The following KYNU variants were observed in gnomAD, a reference collection of about 807,000 sequenced individuals.
KYNU encodes kynureninase, also known as L-kynurenine hydrolase.
KYNU carries 54 observed loss-of-function variants against 59.2 expected under a neutral mutation model. The observed-to-expected ratio is 0.91, with a 90% CI of 0.73 to 1.14. KYNU has a LOEUF of 1.14. Ranked by LOEUF, KYNU falls within the 50% of genes most tolerant of loss-of-function variation. KYNU has a pLI of 0.00. For synonymous variants in KYNU, 177 were observed against 192.0 expected (o/e 0.92, Z 0.65); for missense variants, 567 against 554.4 (o/e 1.02, Z -0.23).
chr2:142,918,322 C>T (rs1236632063), intron 2 of KYNU, among the ~76,000 whole-genome samples: 1 of 152,096 alleles, frequency 6.6e-6, no homozygotes, highest in African/African-American at 2.4e-5. Flanking sequence ...TTTTCTAATG[C>T]TTTGGCAATT....
chr2:143,014,990 C>T (rs116045774), intron 10 of KYNU, among the ~76,000 whole-genome samples: 1,911 of 152,168 alleles, frequency 0.013, 30 homozygotes, highest in African/African-American at 0.041. Context: ...AGTTCCTGGA[C>T]TCAAGTGATT....
rs143992886 is a variant in KYNU at position 142,922,452 on chromosome 2, G to T, written c.290+3723G>T. 7.0e-3 allele frequency among the ~76,000 whole-genome samples: 1,069 copies of T among 152,250 alleles called. 17 individuals carry two copies. The highest frequency in any genetic ancestry group is 0.024 in the African/African-American group (1,013 of 41,522). Reference sequence around the variant, plus strand: ...CCTGGAATGTGGGGGTTTGCAGTGAGCTGAGATTGTGACACTGCACTCCAG... The same window carrying T: ...CCTGGAATGTGGGGGTTTGCAGTGATCTGAGATTGTGACACTGCACTCCAG... On this transcript the variant is annotated intron_variant, in intron 3 of 13. Coordinates refer to ENST00000264170, the MANE Select transcript of KYNU (RefSeq NM_003937.3).
chr2:143,006,740 T>C (rs899923453), intron 10 of KYNU, among the ~76,000 whole-genome samples: 114 of 151,806 alleles, frequency 7.5e-4, no homozygotes, highest in African/African-American at 2.1e-3. Context: ...TCAAGTGGGT[T>C]CCTGACCCCT....
chr2:143,020,518 A>G (rs748436456), intron 10 of KYNU, among the ~76,000 whole-genome samples: 33 of 152,110 alleles, frequency 2.2e-4, no homozygotes, highest in Non-Finnish European at 4.4e-4. Context: ...AACATTTTAA[A>G]AGTTGTTGAG....
intron 7 of KYNU, among the ~76,000 whole-genome samples, chr2:142,960,125 G>T (rs1684294188): frequency 6.6e-6 from 1 of 152,152 alleles, no homozygotes; most frequent in Non-Finnish European, 1.5e-5. Flanking sequence ...TACCTCAAGT[G>T]ATCTGCCCAC....
At chr2:142,941,046 T>G (rs1303742649) in intron 4 of KYNU, among the ~76,000 whole-genome samples, 2 of 152,220 alleles carry the variant, frequency 1.3e-5, no homozygotes, top group Non-Finnish European at 2.9e-5. Context: ...CCAGAACCTC[T>G]CTGAGTCTTA....
At chr2:142,957,108 C>G (rs928114155) in intron 6 of KYNU, among the ~76,000 whole-genome samples, 1 of 152,006 alleles carries the variant, frequency 6.6e-6, no homozygotes, top group South Asian at 2.1e-4. Context: ...AATTTTAGGG[C>G]AAGTAATTAT....
chr2:142,919,466 A>G (rs1304980899), intron 3 of KYNU, among the ~76,000 whole-genome samples: 1 of 152,254 alleles, frequency 6.6e-6, no homozygotes, highest in Non-Finnish European at 1.5e-5. Flanking sequence ...TGAAAAATCA[A>G]TATGAAGATG....
chr2:142,948,932 G>C (rs559152238), intron 4 of KYNU, among the ~76,000 whole-genome samples: 131 of 152,312 alleles, frequency 8.6e-4, no homozygotes, highest in Non-Finnish European at 1.4e-3. Flanking sequence ...TAAGATAAAT[G>C]GCAAGTTAAT....
At chr2:142,900,236 G>GAAC (rs1322434732) in intron 2 of KYNU, among the ~76,000 whole-genome samples, 1 of 152,188 alleles carries the variant, frequency 6.6e-6, no homozygotes, top group Non-Finnish European at 1.5e-5. Context: ...GGAGCACAGT[G>GAAC]AACACACTGC....
intron 4 of KYNU, among the ~76,000 whole-genome samples, chr2:142,936,321 G>A (rs1683389216): frequency 6.6e-6 from 1 of 152,138 alleles, no homozygotes. Flanking sequence ...TAGATGCATT[G>A]TTTAATTTGT....
At chr2:143,027,265 T>C (rs1394960488) in intron 10 of KYNU, among the ~76,000 whole-genome samples, 2 of 152,250 alleles carry the variant, frequency 1.3e-5, no homozygotes, top group Non-Finnish European at 2.9e-5. Context: ...ATTTCCCATA[T>C]ATCTTCTTAA....
chr2:143,023,289 G>GT (rs771143067), intron 10 of KYNU, among the ~76,000 whole-genome samples: 3 of 151,728 alleles, frequency 2.0e-5, no homozygotes, highest in South Asian at 2.1e-4. Context: ...CATTTTCTGA[G>GT]TTTTTTATTG....
chr2:142,879,139 A>C (rs944629724), intron 1 of KYNU, among the ~76,000 whole-genome samples: 1 of 152,218 alleles, frequency 6.6e-6, no homozygotes, highest in African/African-American at 2.4e-5. Flanking sequence ...GCTTGTGAAC[A>C]CTAATTGTCT....
chr2:142,990,308 G>GT (rs1685359860), intron 10 of KYNU, among the ~76,000 whole-genome samples: 1 of 151,746 alleles, frequency 6.6e-6, no homozygotes, highest in South Asian at 2.1e-4. Context: ...AATATGAAAT[G>GT]TTTCACTAAA....
intron 12 of KYNU, among the ~76,000 whole-genome samples, chr2:143,037,807 TTA>T (rs1406032161): frequency 2.0e-5 from 3 of 152,152 alleles, no homozygotes; most frequent in Non-Finnish European, 4.4e-5. Flanking sequence ...AATAGAATAT[TTA>T]TGTTACTTCC....
intron 10 of KYNU, among the ~76,000 whole-genome samples, chr2:143,002,388 C>T (rs1173467795): frequency 6.6e-6 from 1 of 152,176 alleles, no homozygotes; most frequent in Non-Finnish European, 1.5e-5. Context: ...ACATTTTACT[C>T]TTCGTGTAGT....
intron 2 of KYNU, among the ~76,000 whole-genome samples, chr2:142,890,706 G>A (rs1408916542): frequency 6.6e-6 from 1 of 152,062 alleles, no homozygotes; most frequent in Non-Finnish European, 1.5e-5. Flanking sequence ...TCAAACTCCT[G>A]GACTCAAGTA....
At chr2:142,957,399 T>G (rs1435870469) in intron 6 of KYNU, among the ~76,000 whole-genome samples, 2 of 152,180 alleles carry the variant, frequency 1.3e-5, no homozygotes, top group Non-Finnish European at 2.9e-5. Context: ...TTCTAAAATC[T>G]CTTATAATTC....
Sources: allele counts gnomAD v4.1 joint callset (sites outside exome capture counted in the v4.1 genomes callset), GRCh38; gene constraint gnomAD v4.1.1; transcripts MANE v1.5; gene names NCBI Gene and HGNC (gene_info 2026-07-23, HGNC 2026-07-21).